Variants in DOCK3 observed in about 807,000 individuals in gnomAD.
DOCK3 encodes dedicator of cytokinesis protein 3.
Under a neutral mutation model 265.6 loss-of-function variants are expected in DOCK3, and 60 were observed. The observed-to-expected ratio is 0.23, with a 90% CI of 0.18 to 0.28. DOCK3 has a LOEUF of 0.28. Among genes scored for constraint, DOCK3 ranks in the 10% least tolerant of loss-of-function variants. DOCK3 has a pLI of 1.00. For missense variants in DOCK3, 1,981 were observed against 2,594.3 expected (o/e 0.76, Z 5.14); for synonymous variants, 881 against 938.0 (o/e 0.94, Z 1.11).
chr3:51,342,211 A>T (rs888188770), intron 38 of DOCK3, among the ~76,000 whole-genome samples: 12 of 152,290 alleles, frequency 7.9e-5, no homozygotes, highest in African/African-American at 2.9e-4. Context: ...TCTATAAATC[A>T]GAAAACATTC....
chr3:51,175,206 C>T (rs949361149), intron 12 of DOCK3, among the ~76,000 whole-genome samples: 1 of 152,118 alleles, frequency 6.6e-6, no homozygotes, highest in Non-Finnish European at 1.5e-5. Context: ...CCTTGGGTCC[C>T]TGGGTGGGCG....
chr3:51,309,926 C>T (rs2082966293), intron 27 of DOCK3, among the ~76,000 whole-genome samples: 1 of 152,242 alleles, frequency 6.6e-6, no homozygotes, highest in Admixed American at 6.5e-5. Flanking sequence ...ACCAGTTTGG[C>T]TAGACCTTAG....
intron 12 of DOCK3, among the ~76,000 whole-genome samples, chr3:51,207,356 A>T (rs2089275848): frequency 1.3e-5 from 2 of 152,190 alleles, no homozygotes; most frequent in Admixed American, 1.3e-4. Flanking sequence ...AGAAAAACTG[A>T]AATTACCCCA....
intron 4 of DOCK3, among the ~76,000 whole-genome samples, chr3:50,929,901 AT>A (rs1262376834): frequency 6.6e-6 from 1 of 152,252 alleles, no homozygotes; most frequent in Non-Finnish European, 1.5e-5. Flanking sequence ...AATAGCTACC[AT>A]TTATTAAATA....
intron 36 of DOCK3, 118 bp downstream of exon 36, chr3:51,338,537 C>T: frequency 8.8e-7 from 1 of 1,136,970 alleles, no homozygotes; most frequent in Non-Finnish European, 1.3e-6. Flanking sequence ...TGAATCAGGA[C>T]ATCAGCTCTG....
intron 10 of DOCK3, among the ~76,000 whole-genome samples, chr3:51,158,729 T>G (rs2107503243): frequency 6.6e-6 from 1 of 152,306 alleles, no homozygotes; most frequent in East Asian, 1.9e-4. Context: ...AGAAATCAAA[T>G]TATTGAGGTT....
intron 22 of DOCK3, among the ~76,000 whole-genome samples, chr3:51,257,917 G>A (rs537809876): frequency 6.6e-6 from 1 of 152,284 alleles, no homozygotes; most frequent in African/African-American, 2.4e-5. Context: ...CCAAGATGGT[G>A]CTGATCCAAA....
At chr3:51,326,090 T>C (rs1189344810) in intron 32 of DOCK3, among the ~76,000 whole-genome samples, 4 of 151,686 alleles carry the variant, frequency 2.6e-5, no homozygotes, top group Non-Finnish European at 5.9e-5. Context: ...AAAATGAAAT[T>C]GTTGTGTATA....
intron 2 of DOCK3, chr3:50,787,963 TTCC>T: frequency 1.1e-6 from 1 of 898,000 alleles, no homozygotes; most frequent in Non-Finnish European, 1.8e-6. Context: ...CTTCCTCTTC[TTCC>T]TCCTCCTCTT....
chr3:51,042,535 G>T (rs2080575501), intron 5 of DOCK3, among the ~76,000 whole-genome samples: 1 of 152,144 alleles, frequency 6.6e-6, no homozygotes, highest in African/African-American at 2.4e-5. Context: ...ATGGGCACAA[G>T]ACAAGGATGC....
At chr3:50,883,823 T>G (rs139029588) in intron 3 of DOCK3, among the ~76,000 whole-genome samples, 228 of 152,314 alleles carry the variant, frequency 1.5e-3, no homozygotes, top group Non-Finnish European at 2.5e-3. Flanking sequence ...ATCACCATTA[T>G]TATGTTTCAA....
At chr3:51,009,754 T>G (rs561551602) in intron 5 of DOCK3, among the ~76,000 whole-genome samples, 22 of 152,334 alleles carry the variant, frequency 1.4e-4, no homozygotes, top group African/African-American at 5.1e-4. Context: ...TGTGGGCATT[T>G]AGTGCTATAA....
At chr3:50,805,141 C>T (rs574624452) in intron 2 of DOCK3, among the ~76,000 whole-genome samples, 1 of 152,170 alleles carries the variant, frequency 6.6e-6, no homozygotes, top group Admixed American at 6.5e-5. Flanking sequence ...GTCGCCTCTT[C>T]CAATTTTATG....
At chr3:50,971,854 G>T (rs1012500689) in intron 5 of DOCK3, among the ~76,000 whole-genome samples, 1 of 152,170 alleles carries the variant, frequency 6.6e-6, no homozygotes, top group Non-Finnish European at 1.5e-5. Flanking sequence ...CCAGTGCCAG[G>T]CACAAGCACC....
In DOCK3 at chr3:50,882,489, T is replaced by G. The variant is rs985710646; in HGVS notation, c.163-7537T>G. On this transcript the variant is annotated intron_variant, in intron 3 of 52. Transcript: ENST00000266037. ...ACAGACACTTCTCAAAAGAAGACAT[T>G]TATGCAGCCAACAGACACGTGAAAA... is the stretch of plus-strand genomic sequence containing the variant. 6.6e-5 allele frequency among the ~76,000 whole-genome samples: 10 copies of G among 152,236 alleles called. No homozygotes were observed. The South Asian group carries it at 2.1e-3, about 32-fold the overall frequency.
Position 51,082,743 on chromosome 3 carries a change from C to T in DOCK3, c.550-6500C>T, listed in dbSNP as rs1435495400. 8.5e-5 allele frequency among the ~76,000 whole-genome samples: 13 copies of T among 152,304 alleles called. No individual in the cohort carries two copies. In the East Asian group the frequency reaches 1.4e-3, roughly 16 times the overall value. ...ACCACCAGTACCCACACATACCTTCCAGGACCTGGGTATTGACTAGCATTC... is the reference window on the plus strand; with the variant it reads ...ACCACCAGTACCCACACATACCTTCTAGGACCTGGGTATTGACTAGCATTC... On this transcript the variant is annotated intron_variant, in intron 7 of 52. Transcript: ENST00000266037.
intron 5 of DOCK3, among the ~76,000 whole-genome samples, chr3:51,045,578 A>G (rs897737475): frequency 2.0e-5 from 3 of 152,150 alleles, no homozygotes; most frequent in African/African-American, 7.2e-5. Flanking sequence ...ATTTGTAAAA[A>G]CCGTAATATC....
intron 38 of DOCK3, among the ~76,000 whole-genome samples, chr3:51,346,101 A>G (rs2085543645): frequency 6.6e-6 from 1 of 152,182 alleles, no homozygotes; most frequent in African/African-American, 2.4e-5. Context: ...TGGGTAAAAT[A>G]TCAAGTAAAC....
chr3:50,952,914 T>C (rs1432766569), intron 5 of DOCK3, among the ~76,000 whole-genome samples: 1 of 152,136 alleles, frequency 6.6e-6, no homozygotes, highest in Admixed American at 6.5e-5. Flanking sequence ...GAAGGCCCTT[T>C]CCTGAGTATG....
Sources: gnomAD v4.1 joint callset for allele counts (sites outside exome capture counted in the v4.1 genomes callset) on GRCh38, gnomAD v4.1.1 for gene constraint, MANE v1.5 for transcripts, NCBI Gene and HGNC (gene_info 2026-07-23, HGNC 2026-07-21) for gene names.